DLGAP2: variants seen among roughly 807,000 people sequenced by gnomAD.
DLGAP2 encodes DLG associated protein 2, also known as disks large-associated protein 2.
DLGAP2 carries 26 observed loss-of-function variants against 100.3 expected under a neutral mutation model. That is an observed-to-expected ratio of 0.26 (90% CI 0.19 to 0.36). The LOEUF (loss-of-function observed/expected upper bound fraction) is 0.36, where lower values mean the gene tolerates loss of function less well. Ranked by LOEUF, DLGAP2 falls within the 10% of genes least tolerant of loss-of-function variation. The pLI, the probability that DLGAP2 is intolerant of heterozygous loss-of-function variation, is 1.00. For synonymous variants in DLGAP2, 886 were observed against 630.1 expected (o/e 1.41, Z -6.08); for missense variants, 1,858 against 1,453.2 (o/e 1.28, Z -4.53).
At chr8:1,692,745 G>T (rs1368276865) in intron 13 of DLGAP2, among the ~76,000 whole-genome samples, 1 of 152,004 alleles carries the variant, frequency 6.6e-6, no homozygotes, top group Non-Finnish European at 1.5e-5. Flanking sequence ...TTTATAGTCG[G>T]TAGTGAAACG....
chr8:1,324,067 T>C (rs1157864048), intron 3 of DLGAP2, among the ~76,000 whole-genome samples: 1 of 152,196 alleles, frequency 6.6e-6, no homozygotes, highest in African/African-American at 2.4e-5. Context: ...CCGGAAAGGC[T>C]GAAGCTATGT....
rs566826270 is a variant in DLGAP2 at position 1,439,210 on chromosome 8, A to T, written c.107-62156A>T. Among the ~76,000 whole-genome samples the T allele has an allele frequency of 7.2e-5, 11 of 152,306 alleles. No individual in the cohort carries two copies. The East Asian group carries it at 2.1e-3, about 29-fold the overall frequency. On this transcript the variant is annotated intron_variant, in intron 3 of 14. Coordinates refer to ENST00000637795, the MANE Select transcript of DLGAP2 (RefSeq NM_001346810.2). ...ATAGTCCGCCCAGCCCCTCCCCTCC[A>T]GAGGCAGGAGCATGGTCACCGGCGC...
chr8:1,000,547 G>T (rs893337496), intron 2 of DLGAP2, among the ~76,000 whole-genome samples: 2 of 152,034 alleles, frequency 1.3e-5, no homozygotes, highest in Admixed American at 1.3e-4. Flanking sequence ...ATCTGGGTGG[G>T]GTGGTTTTCT....
intron 2 of DLGAP2, among the ~76,000 whole-genome samples, chr8:1,154,912 A>G (rs535459923): frequency 2.6e-5 from 4 of 152,280 alleles, no homozygotes; most frequent in East Asian, 3.9e-4. Flanking sequence ...TCCTCGGCCT[A>G]CAGGAACCAT....
At chr8:1,182,034 C>T (rs1057215237) in intron 2 of DLGAP2, among the ~76,000 whole-genome samples, 2 of 152,226 alleles carry the variant, frequency 1.3e-5, no homozygotes, top group African/African-American at 4.8e-5. Context: ...GAGGTTGCAG[C>T]CTCTGTGCTG....
intron 3 of DLGAP2, among the ~76,000 whole-genome samples, chr8:1,271,609 C>G (rs1050319716): frequency 2.0e-5 from 3 of 152,064 alleles, no homozygotes; most frequent in Admixed American, 6.6e-5. Context: ...TGGTTGTACT[C>G]TAATGATGAT....
rs751461675 is a variant in DLGAP2 at position 1,678,265 on chromosome 8, C to T, written c.2340C>T (p.Asp780=). 4 of 1,613,788 alleles carry T rather than the reference C, an allele frequency of 2.5e-6. No homozygotes were observed. Among genetic ancestry groups the T allele is most frequent in the African/African-American group, 2.7e-5 (2 of 74,928 alleles). Residue 780 remains aspartate, a synonymous_variant, in exon 12 of 15, where the codon GAC becomes GAT. Transcript: ENST00000637795. ...SNSVTAAVQA[D]LELEGFPGHI... ...GCGTCACGGCCGCCGTCCAAGCTGA[C>T]CTGGAGCTGGAGGGGTTCCCAGGCC... is the stretch of plus-strand genomic sequence containing the variant.
chr8:1,418,538 C>T (rs1002187292), intron 3 of DLGAP2, among the ~76,000 whole-genome samples: 1 of 152,198 alleles, frequency 6.6e-6, no homozygotes, highest in Non-Finnish European at 1.5e-5. Flanking sequence ...AAAATGGAAG[C>T]TTCACCTGGC....
chr8:1,446,407 T>G (rs961299811), intron 3 of DLGAP2, among the ~76,000 whole-genome samples: 1 of 152,196 alleles, frequency 6.6e-6, no homozygotes, highest in Non-Finnish European at 1.5e-5. Flanking sequence ...GTTGTAGATA[T>G]GTGGCATTAT....
intron 2 of DLGAP2, among the ~76,000 whole-genome samples, chr8:1,232,208 C>G (rs1317476098): frequency 6.6e-6 from 1 of 152,232 alleles, no homozygotes; most frequent in Non-Finnish European, 1.5e-5. Flanking sequence ...ACTTTGCACA[C>G]TTGCCGGGGT....
intron 3 of DLGAP2, among the ~76,000 whole-genome samples, chr8:1,319,353 T>C (rs933985568): frequency 5.9e-5 from 9 of 152,212 alleles, no homozygotes; most frequent in African/African-American, 1.9e-4. Context: ...GATCAGAGGT[T>C]CATGCAGGTG....
At chr8:1,663,308 G>A (rs957362060) in intron 8 of DLGAP2, among the ~76,000 whole-genome samples, 29 of 152,070 alleles carry the variant, frequency 1.9e-4, no homozygotes, top group African/African-American at 6.0e-4. Flanking sequence ...GTGGTGGCAA[G>A]TTTGCAGCTG....
In DLGAP2 at chr8:998,688, G is replaced by A. The variant is rs528947206; in HGVS notation, c.73+90722G>A. ...CATGGGTCATGAGGGTTTGCTTCACGATTTCTTCCTAGGTGAGAATGCCTG... is the reference window on the plus strand; with the variant it reads ...CATGGGTCATGAGGGTTTGCTTCACAATTTCTTCCTAGGTGAGAATGCCTG... On this transcript the variant is annotated intron_variant, in intron 2 of 14. Transcript: ENST00000637795. Among the ~76,000 whole-genome samples, 9 of 152,222 alleles carry A rather than the reference G, an allele frequency of 5.9e-5. No individual in the cohort carries two copies. The South Asian group carries it at 1.7e-3, about 28-fold the overall frequency.
intron 3 of DLGAP2, among the ~76,000 whole-genome samples, chr8:1,447,853 G>A (rs1330200744): frequency 1.6e-4 from 24 of 152,212 alleles, no homozygotes; most frequent in Admixed American, 1.6e-3. Context: ...ATTTCTTCTA[G>A]ATTTTCTAGT....
At chr8:1,571,370 G>A (rs1414985267) in intron 6 of DLGAP2, among the ~76,000 whole-genome samples, 1 of 136,604 alleles carries the variant, frequency 7.3e-6, no homozygotes, top group African/African-American at 2.7e-5. Flanking sequence ...AGATGGAGAG[G>A]AGAGAGGGGT....
At chr8:1,554,495 C>G (rs1801890151) in intron 5 of DLGAP2, among the ~76,000 whole-genome samples, 2 of 152,100 alleles carry the variant, frequency 1.3e-5, no homozygotes, top group Admixed American at 6.5e-5. Flanking sequence ...CCCCTCCCTG[C>G]TGGTTTCCTT....
intron 4 of DLGAP2, among the ~76,000 whole-genome samples, chr8:1,517,836 A>G (rs995784211): frequency 1.3e-5 from 2 of 152,216 alleles, no homozygotes; most frequent in African/African-American, 2.4e-5. Context: ...AGACATTGGC[A>G]TGATAGTGTG....
At chr8:838,975 A>G (rs1006519933) in intron 1 of DLGAP2, among the ~76,000 whole-genome samples, 1 of 152,170 alleles carries the variant, frequency 6.6e-6, no homozygotes, top group Non-Finnish European at 1.5e-5. Context: ...CAAAATTCTC[A>G]TCAGTGAGGT....
chr8:1,437,002 G>A (rs1385521162), intron 3 of DLGAP2, among the ~76,000 whole-genome samples: 4 of 152,254 alleles, frequency 2.6e-5, no homozygotes, highest in African/African-American at 9.6e-5. Flanking sequence ...GCCCAGGCGT[G>A]TAGGGGCGAC....
Sources: allele counts gnomAD v4.1 joint callset (sites outside exome capture counted in the v4.1 genomes callset), GRCh38; gene constraint gnomAD v4.1.1; transcripts MANE v1.5; gene names NCBI Gene and HGNC (gene_info 2026-07-23, HGNC 2026-07-21).